Variants in BTD observed in about 807,000 individuals in gnomAD.
BTD encodes biotinidase, also known as biocytinase.
A neutral mutation model predicts 17.7 loss-of-function variants in BTD; 13 were observed. The observed-to-expected ratio is 0.74, with a 90% CI of 0.48 to 1.17. The LOEUF is 1.17. Among genes scored for constraint, BTD ranks in the 50% most tolerant of loss-of-function variants. The pLI, the probability that BTD is intolerant of heterozygous loss-of-function variation, is 0.00. For missense variants in BTD, 674 were observed against 650.4 expected, an observed-to-expected ratio of 1.04 and a Z score of -0.39; for synonymous variants, 240 against 245.2, an observed-to-expected ratio of 0.98 and a Z score of 0.20.
At chr3:15,621,904 G>A (rs12489825) in intron 1 of BTD, among the ~76,000 whole-genome samples, 146,430 of 152,320 alleles carry the variant, frequency 0.96, 70,435 homozygotes, top group East Asian at 0.99. Context: ...CCGGACATCA[G>A]TTTCTTAAAT....
intron 3 of BTD, among the ~76,000 whole-genome samples, chr3:15,665,646 C>T (rs1490939767): frequency 6.6e-6 from 1 of 152,190 alleles, no homozygotes; most frequent in African/African-American, 2.4e-5. Flanking sequence ...GGAAATGGAA[C>T]CCAAACTATA....
intron 2 of BTD, among the ~76,000 whole-genome samples, chr3:15,637,559 G>A (rs933138933): frequency 1.3e-5 from 2 of 152,126 alleles, no homozygotes; most frequent in African/African-American, 4.8e-5. Context: ...CCAAGTATCA[G>A]TTACCTTTAC....
At position 15,617,035 on chromosome 3, in the gene BTD, A is replaced by G. The variant is rs144756784; in HGVS notation, c.-17+15141A>G. Among the ~76,000 whole-genome samples the G allele has an allele frequency of 1.1e-4, 16 of 152,160 alleles. 1 individual carries two copies. In the East Asian group the frequency reaches 2.5e-3, roughly 24 times the overall value. The stretch of plus-strand genomic sequence containing the variant: ...TTTTAGTAGAGACGGGGGTTTCACT[A>G]TGTTGGCTAGGATGGTCTTAACCTC... On this transcript the variant is annotated intron_variant, in intron 1 of 3. Coordinates refer to ENST00000643237, the MANE Select transcript of BTD (RefSeq NM_001370658.1).
intron 3 of BTD, among the ~76,000 whole-genome samples, chr3:15,692,637 T>C (rs1381752673): frequency 6.6e-6 from 1 of 152,178 alleles, no homozygotes; most frequent in African/African-American, 2.4e-5. Flanking sequence ...GATCAGTATG[T>C]TTTCACTGTA....
At chr3:15,694,687 A>G (rs1331896192) in intron 3 of BTD, 15 of 1,493,958 alleles carry the variant, frequency 1.0e-5, no homozygotes, top group Middle Eastern at 3.4e-4. Context: ...AGGTTATTAG[A>G]TATTTTCAGT....
intron 3 of BTD, among the ~76,000 whole-genome samples, chr3:15,680,026 T>C (rs1426086814): frequency 6.6e-6 from 1 of 152,170 alleles, no homozygotes; most frequent in Non-Finnish European, 1.5e-5. Flanking sequence ...ATAAGGGACT[T>C]GAGCGCCTGT....
chr3:15,663,366 T>C (rs2455805), intron 3 of BTD, among the ~76,000 whole-genome samples: 103,000 of 152,100 alleles, frequency 0.68, 35,352 homozygotes, highest in East Asian at 0.94. Context: ...AGGATATATT[T>C]TTTCTGCTTC....
chr3:15,694,789 T>A, intron 3 of BTD: 2 of 1,613,610 alleles, frequency 1.2e-6, no homozygotes, highest in East Asian at 4.5e-5. Context: ...TCACTCAGCA[T>A]GTCTGTTCCT....
intron 3 of BTD, 73 bp from the exon 4 acceptor site, chr3:15,644,243 A>AC: frequency 6.7e-7 from 1 of 1,484,030 alleles, no homozygotes; most frequent in Middle Eastern, 2.3e-4. Flanking sequence ...CTCATGATCC[A>AC]CCCGCCTCAG....
chr3:15,602,868 A>G (rs1183145451), intron 1 of BTD, among the ~76,000 whole-genome samples: 3 of 152,148 alleles, frequency 2.0e-5, no homozygotes, highest in Non-Finnish European at 4.4e-5. Flanking sequence ...GCTATAAAGA[A>G]ATACCCAAAA....
chr3:15,704,589 G>A (rs924681887), intron 3 of BTD, among the ~76,000 whole-genome samples: 3 of 152,062 alleles, frequency 2.0e-5, no homozygotes, highest in Non-Finnish European at 4.4e-5. Context: ...TCTTCTTTTA[G>A]AAAATATTTC....
chr3:15,616,570 C>T (rs1189563433), intron 1 of BTD, among the ~76,000 whole-genome samples: 2 of 151,744 alleles, frequency 1.3e-5, no homozygotes, highest in Non-Finnish European at 2.9e-5. Context: ...GAGCCAAGAT[C>T]GCACCATTGT....
Position 15,704,529 on chromosome 3 carries a change from C to T in BTD, c.400-5531C>T, listed in dbSNP as rs141782577. 1.6e-3 allele frequency among the ~76,000 whole-genome samples: 238 copies of T among 152,114 alleles called. 2 individuals are homozygous for T. Among genetic ancestry groups the T allele is most frequent in the Admixed American group, 5.4e-3 (83 of 15,264 alleles). On this transcript the variant is annotated intron_variant, in intron 3 of 3. Transcript: ENST00000672141. ...AAAAACCATTTAAAAAACAAATAAG[C>T]AAATGTACATTACTGAATAATAGCA...
chr3:15,620,930 A>G (rs2064935760), intron 1 of BTD, among the ~76,000 whole-genome samples: 1 of 152,240 alleles, frequency 6.6e-6, no homozygotes, highest in African/African-American at 2.4e-5. Flanking sequence ...GAGACCCTGG[A>G]ATGTCAATGG....
At position 15,635,577 on chromosome 3, in the gene BTD, A is replaced by G. The variant is rs1159185297; in HGVS notation, c.138A>G (p.Pro46=). The change falls in exon 2 of 4, where the codon CCA becomes CCG. Residue 46 remains proline, a synonymous_variant. Transcript: ENST00000643237. The surrounding 1 kb of genome is among the most constrained non-coding windows in gnomAD (Gnocchi z 4.1). ...EYYVAAVYEH[P]SILSLNPLAL... ...ATGTGGCTGCCGTGTATGAGCATCC[A>G]TCCATCCTGAGTCTGAACCCTCTGG... The G allele has an allele frequency of 1.2e-6, 2 of 1,614,046 alleles. No homozygotes were observed. Among genetic ancestry groups the G allele is most frequent in the Non-Finnish European group, 1.7e-6 (2 of 1,180,040 alleles).
intron 3 of BTD, among the ~76,000 whole-genome samples, chr3:15,699,903 A>G (rs2070301389): frequency 6.6e-6 from 1 of 152,250 alleles, no homozygotes; most frequent in Non-Finnish European, 1.5e-5. Context: ...CCAAAGGATT[A>G]TAAATCATGC....
At chr3:15,614,056 T>C (rs1442227315) in intron 1 of BTD, among the ~76,000 whole-genome samples, 1 of 152,006 alleles carries the variant, frequency 6.6e-6, no homozygotes, top group East Asian at 1.9e-4. Context: ...AATTCTCACC[T>C]ATTATACCTT....
chr3:15,700,562 C>T (rs186197923), intron 3 of BTD, among the ~76,000 whole-genome samples: 1 of 151,940 alleles, frequency 6.6e-6, no homozygotes, highest in African/African-American at 2.4e-5. Context: ...GATCATGAGG[C>T]CAAGAGATCA....
At chr3:15,629,008 C>A (rs73150108) in intron 1 of BTD, among the ~76,000 whole-genome samples, 1 of 152,122 alleles carries the variant, frequency 6.6e-6, no homozygotes, top group African/African-American at 2.4e-5. Flanking sequence ...AGTCCTTTAA[C>A]TGACCTGCAT....
Sources: allele counts gnomAD v4.1 joint callset (sites outside exome capture counted in the v4.1 genomes callset), GRCh38; gene constraint gnomAD v4.1.1; non-coding constraint Gnocchi (gnomAD v3.1); transcripts MANE v1.5; gene names NCBI Gene and HGNC (gene_info 2026-07-23, HGNC 2026-07-21).